Variants in WNK2 observed in about 807,000 individuals in gnomAD.
WNK2 encodes serine/threonine-protein kinase WNK2.
WNK2 carries 67 observed loss-of-function variants against 192.1 expected under a neutral mutation model. The observed-to-expected ratio is 0.35, with a 90% CI of 0.29 to 0.43. The LOEUF is 0.43. Ranked by LOEUF, WNK2 falls within the 20% of genes least tolerant of loss-of-function variation. The pLI is 1.00. For missense variants in WNK2, 2,698 were observed against 3,089.7 expected (o/e 0.87, Z 3.01); for synonymous variants, 1,439 against 1,393.9 (o/e 1.03, Z -0.72).
intron 16 of WNK2, among the ~76,000 whole-genome samples, chr9:93,264,366 T>G (rs957563871): frequency 6.6e-6 from 1 of 151,930 alleles, no homozygotes; most frequent in Admixed American, 6.5e-5. Flanking sequence ...CATCCCGGAG[T>G]CTGATGTCCT....
At chr9:93,244,444 G>A (rs1841324791) in intron 7 of WNK2, among the ~76,000 whole-genome samples, 1 of 152,222 alleles carries the variant, frequency 6.6e-6, no homozygotes, top group South Asian at 2.1e-4. Context: ...ACTCACCATG[G>A]CTAAATGTTT....
At chr9:93,319,225 C>G in intron 29 of WNK2, 1 of 1,608,130 alleles carries the variant, frequency 6.2e-7, no homozygotes, top group Non-Finnish European at 8.5e-7. Flanking sequence ...GAAACAACAT[C>G]TTTTTCTTAC....
At chr9:93,224,870 A>G (rs1451158152) in intron 2 of WNK2, among the ~76,000 whole-genome samples, 1 of 152,168 alleles carries the variant, frequency 6.6e-6, no homozygotes, top group Non-Finnish European at 1.5e-5. Flanking sequence ...CAGGATTTGG[A>G]AATCACTTAG....
chr9:93,257,214 C>G lies in WNK2; in HGVS notation c.2382+75C>G, dbSNP rs1843455820. On this transcript the variant is annotated intron_variant, in intron 11 of 29. Transcript: ENST00000427277. The surrounding 1 kb of genome is among the most constrained non-coding windows in gnomAD (Gnocchi z 4.7). ...GCCCTGGCTGGTGCACTAGGACACC[C>G]ACAGAGGGGGTTGTCTGTGCATGTG... 1 of 1,476,116 alleles carries G rather than the reference C, an allele frequency of 6.8e-7. No homozygotes were observed. Among genetic ancestry groups the G allele is most frequent in the Non-Finnish European group, 9.1e-7 (1 of 1,096,028 alleles). 91.4% of individuals were successfully genotyped at this position (1,476,116 alleles called of 1,614,324 possible).
chr9:93,271,465 C>G (rs546738035), intron 19 of WNK2, among the ~76,000 whole-genome samples: 10 of 152,296 alleles, frequency 6.6e-5, no homozygotes, highest in Admixed American at 6.5e-5. Flanking sequence ...CTGACAAAAA[C>G]TTTAAAGCAA....
intron 19 of WNK2, among the ~76,000 whole-genome samples, chr9:93,287,787 G>T (rs905620737): frequency 6.6e-6 from 1 of 152,108 alleles, no homozygotes; most frequent in Non-Finnish European, 1.5e-5. Flanking sequence ...TGGGCTGGGC[G>T]TGGGGGCTCA....
At chr9:93,290,124 C>T (rs1849097205) in intron 21 of WNK2, 77 bp downstream of exon 21, 7 of 1,314,642 alleles carry the variant, frequency 5.3e-6, no homozygotes. Context: ...TGCATCCGCA[C>T]CCTCGTCTTT....
At chr9:93,316,343 G>A (rs1191735882) in intron 28 of WNK2, 1 of 152,186 alleles carries the variant, frequency 6.6e-6, no homozygotes, top group Non-Finnish European at 1.5e-5. Flanking sequence ...TTTCGGCTGG[G>A]AGTGGATTCA....
chr9:93,269,309 G>A (rs1845692729), intron 19 of WNK2, among the ~76,000 whole-genome samples: 1 of 152,124 alleles, frequency 6.6e-6, no homozygotes, highest in African/African-American at 2.4e-5. Context: ...ATAGTCACTT[G>A]AACAAATTTA....
chr9:93,226,201 A>G (rs1837789389), intron 2 of WNK2, among the ~76,000 whole-genome samples: 1 of 152,204 alleles, frequency 6.6e-6, no homozygotes, highest in African/African-American at 2.4e-5. Flanking sequence ...GGGTTCTGAC[A>G]TTACACTAGA....
In WNK2 at chr9:93,252,028, C is replaced by G. The variant is rs527724341; in HGVS notation, c.1835-855C>G. Among the ~76,000 whole-genome samples the G allele has an allele frequency of 5.3e-5, 8 of 152,340 alleles. No homozygotes were observed. The East Asian group carries it at 1.5e-3, about 29-fold the overall frequency. ...CACAGTATTCTGAAATGCAGCCCCT[C>G]GCGAAAATAGTGTGGCGTTTGTAAG... On this transcript the variant is annotated intron_variant, in intron 8 of 29. Transcript: ENST00000427277.
intron 23 of WNK2, among the ~76,000 whole-genome samples, chr9:93,297,209 C>T (rs918245225): frequency 4.0e-5 from 6 of 150,600 alleles, no homozygotes; most frequent in African/African-American, 7.3e-5. Context: ...TCCACCCCTC[C>T]GCATCCTCCC....
In WNK2 at chr9:93,259,074, C is replaced by T; in HGVS notation, c.2526C>T (p.Ser842=). 1 of 1,613,298 alleles carries T rather than the reference C, an allele frequency of 6.2e-7. No individual in the cohort carries two copies. The highest frequency in any genetic ancestry group is 8.5e-7 in the Non-Finnish European group (1 of 1,179,794). ...QYFSPAVILP[S]LAAPLPPASP... ...TCTCTCCAGCCGTGATCTTGCCGAG[C>T]CTCGCTGCCCCACTCCCCCCTGCGT... is the stretch of plus-strand genomic sequence containing the variant. Residue 842 remains serine, a synonymous_variant, in exon 12 of 30, where the codon AGC becomes AGT. Coordinates refer to ENST00000427277, the MANE Select transcript of WNK2 (RefSeq NM_006648.4). This position sits in a 1 kb window ranked among gnomAD's most constrained non-coding sequence, Gnocchi z 4.8.
chr9:93,203,107 G>T (rs1308572614), intron 2 of WNK2, among the ~76,000 whole-genome samples: 1 of 152,072 alleles, frequency 6.6e-6, no homozygotes, highest in Admixed American at 6.5e-5. Context: ...TGCTGGAGGG[G>T]TGGGGCCCAG....
chr9:93,298,470 G>A (rs892187816), intron 24 of WNK2, among the ~76,000 whole-genome samples: 2 of 152,168 alleles, frequency 1.3e-5, no homozygotes, highest in Non-Finnish European at 2.9e-5. Flanking sequence ...GGGGGAGGAC[G>A]GGAGGACGGT....
chr9:93,193,248 G>A (rs1043883115), intron 2 of WNK2, among the ~76,000 whole-genome samples: 10 of 152,202 alleles, frequency 6.6e-5, no homozygotes, highest in African/African-American at 2.4e-4. Flanking sequence ...CATGTTCCCA[G>A]TGCGTGGCCA....
intron 4 of WNK2, among the ~76,000 whole-genome samples, chr9:93,231,546 G>A (rs1161793901): frequency 6.6e-6 from 1 of 152,204 alleles, no homozygotes; most frequent in Non-Finnish European, 1.5e-5. Flanking sequence ...GAGGAACTTG[G>A]GAGGTTTGTG....
chr9:93,269,729 G>A (rs921540782), intron 19 of WNK2, among the ~76,000 whole-genome samples: 1 of 152,202 alleles, frequency 6.6e-6, no homozygotes, highest in Admixed American at 6.5e-5. Context: ...GGACACTGTG[G>A]TGTAAGTTTA....
intron 2 of WNK2, among the ~76,000 whole-genome samples, chr9:93,195,848 C>G (rs1786655586): frequency 6.6e-6 from 1 of 151,936 alleles, no homozygotes; most frequent in South Asian, 2.1e-4. Context: ...AGCTGCAGTT[C>G]AGGGTGTCAC....
Sources: gnomAD v4.1 joint callset for allele counts (sites outside exome capture counted in the v4.1 genomes callset) on GRCh38, gnomAD v4.1.1 for gene constraint, Gnocchi (gnomAD v3.1) non-coding constraint, MANE v1.5 for transcripts, NCBI Gene and HGNC (gene_info 2026-07-23, HGNC 2026-07-21) for gene names.